Variants in CRACDL observed in about 807,000 individuals in gnomAD.
The protein encoded by CRACDL is CRACD like.
Under a neutral mutation model 70.6 loss-of-function variants are expected in CRACDL, and 26 were observed. That is an observed-to-expected ratio of 0.37 (90% CI 0.27 to 0.51). CRACDL has a LOEUF of 0.51. Ranked by LOEUF, CRACDL falls within the 20% of genes least tolerant of loss-of-function variation. The probability of loss-of-function intolerance (pLI) is 0.94; values close to 1 mark genes in which losing one functional copy is unlikely to be tolerated. For synonymous variants in CRACDL, 618 were observed against 615.2 expected (o/e 1.00, Z -0.07); for missense variants, 1,283 against 1,376.9 (o/e 0.93, Z 1.08).
At chr2:98,898,782 G>A (rs992078465) in intron 1 of CRACDL, among the ~76,000 whole-genome samples, 8 of 152,200 alleles carry the variant, frequency 5.3e-5, no homozygotes, top group African/African-American at 7.2e-5. Flanking sequence ...AGCCGCCGCC[G>A]CTGTGTTTAA....
intron 5 of CRACDL, 117 bp downstream of exon 5, chr2:98,832,231 T>C (rs776602277): frequency 1.2e-5 from 13 of 1,058,274 alleles, no homozygotes; most frequent in Admixed American, 1.2e-4. Context: ...AGTGACCCAG[T>C]TGGCCACACC....
rs1205747132 is a variant in CRACDL, at chr2:98,832,531, C to T, written c.376-19G>A. The T allele has an allele frequency of 1.3e-6, 2 of 1,553,430 alleles. No homozygotes were observed. The highest frequency in any genetic ancestry group is 2.7e-5 in the African/African-American group (2 of 72,776). ...TTTTTAACTAGATTGGAATAAAGAA[C>T]ATGTGCTCTTATTTTCATCAATGAT... is the stretch of plus-strand genomic sequence containing the variant. On this transcript the variant is annotated intron_variant, in intron 4 of 9. Transcript: ENST00000397899.
chr2:98,910,371 A>C (rs899525859), intron 1 of CRACDL, among the ~76,000 whole-genome samples: 3 of 151,950 alleles, frequency 2.0e-5, no homozygotes, highest in Non-Finnish European at 4.4e-5. Context: ...AATACAAAAA[A>C]TTAGCTGGGC....
chr2:98,901,999 C>T (rs924059583), intron 1 of CRACDL, among the ~76,000 whole-genome samples: 3 of 152,086 alleles, frequency 2.0e-5, no homozygotes, highest in Admixed American at 1.3e-4. Context: ...GAAAGCGGGA[C>T]GTCATAGATG....
chr2:98,851,004 T>C (rs996613814), intron 1 of CRACDL, among the ~76,000 whole-genome samples: 1 of 152,160 alleles, frequency 6.6e-6, no homozygotes, highest in Non-Finnish European at 1.5e-5. Flanking sequence ...CAAAGAAAAA[T>C]ATCTGTACCC....
At chr2:98,918,463 G>C (rs6741166) in intron 1 of CRACDL, among the ~76,000 whole-genome samples, 55,705 of 149,280 alleles carry the variant, frequency 0.37, 10,844 homozygotes, top group Admixed American at 0.5. Context: ...GTTTGAACCT[G>C]GGAGGTGGAT....
intron 3 of CRACDL, among the ~76,000 whole-genome samples, chr2:98,837,084 CAA>C (rs35180684): frequency 0.12 from 13,938 of 118,502 alleles, 747 homozygotes; most frequent in South Asian, 0.27. Flanking sequence ...GACTCCGTCT[CAA>C]AAAAAAAAAA....
At chr2:98,858,884 A>G (rs1220066261) in intron 1 of CRACDL, among the ~76,000 whole-genome samples, 2 of 152,200 alleles carry the variant, frequency 1.3e-5, no homozygotes, top group Non-Finnish European at 2.9e-5. Context: ...AAATTAGACA[A>G]CCTAGATGAA....
chr2:98,835,149 G>T (rs1053085722), intron 3 of CRACDL, among the ~76,000 whole-genome samples: 2 of 152,130 alleles, frequency 1.3e-5, no homozygotes, highest in Non-Finnish European at 2.9e-5. Context: ...AGAATACAAA[G>T]AATTAAAGAA....
At chr2:98,916,667 CT>C (rs1224141645) in intron 1 of CRACDL, among the ~76,000 whole-genome samples, 1 of 152,080 alleles carries the variant, frequency 6.6e-6, no homozygotes, top group Non-Finnish European at 1.5e-5. Context: ...TACAACCTCT[CT>C]TTTTAAAAAG....
chr2:98,840,667 G>GT (rs1448701702), intron 2 of CRACDL: 10 of 152,138 alleles, frequency 6.6e-5, no homozygotes, highest in Admixed American at 3.9e-4. Flanking sequence ...AACTTTATTT[G>GT]TTGGGGAGGT....
intron 1 of CRACDL, among the ~76,000 whole-genome samples, chr2:98,898,277 C>A (rs1392415907): frequency 6.6e-6 from 1 of 152,254 alleles, no homozygotes. Context: ...GAGCCATGGG[C>A]AAGCCAGCTT....
At chr2:98,907,340 C>T (rs1708440499) in intron 1 of CRACDL, among the ~76,000 whole-genome samples, 1 of 152,146 alleles carries the variant, frequency 6.6e-6, no homozygotes, top group Admixed American at 6.5e-5. Flanking sequence ...AGTCTCCCAG[C>T]ACAATGTGAC....
chr2:98,820,359 G>A (rs1168265500), intron 7 of CRACDL, among the ~76,000 whole-genome samples: 2 of 151,658 alleles, frequency 1.3e-5, no homozygotes, highest in African/African-American at 2.4e-5. Flanking sequence ...GTGAAACCTC[G>A]TCTCTACCAA....
At chr2:98,797,227 C>T in intron 8 of CRACDL, 123 bp downstream of exon 8, 1 of 883,150 alleles carries the variant, frequency 1.1e-6, no homozygotes, top group Non-Finnish European at 1.8e-6. Context: ...CATCCACAAC[C>T]ATCACAGGTG....
intron 1 of CRACDL, among the ~76,000 whole-genome samples, chr2:98,916,505 G>GTTT (rs35933151): frequency 1.5e-4 from 11 of 71,826 alleles, no homozygotes; most frequent in African/African-American, 4.8e-4. Flanking sequence ...CAATAAAGCT[G>GTTT]TTTTTTTTAA....
At chr2:98,795,077 A>ATATATATATTTTTTTTTTT in intron 9 of CRACDL, among the ~76,000 whole-genome samples, 39 of 58,424 alleles carry the variant, frequency 6.7e-4, no homozygotes, top group Non-Finnish European at 1.1e-3. Flanking sequence ...ATATATATAT[A>ATATATATATTTTTTTTTTT]TTTTTTTTTT....
At chr2:98,871,619 T>C (rs1707348899) in intron 1 of CRACDL, among the ~76,000 whole-genome samples, 1 of 152,232 alleles carries the variant, frequency 6.6e-6, no homozygotes, top group African/African-American at 2.4e-5. Flanking sequence ...TCTGGCAGCA[T>C]GTATCAAAAC....
chr2:98,909,457 A>G (rs1558635111), intron 1 of CRACDL, among the ~76,000 whole-genome samples: 1 of 152,178 alleles, frequency 6.6e-6, no homozygotes, highest in African/African-American at 2.4e-5. Flanking sequence ...TAAGGATGCA[A>G]TCCCAGGGGA....
Sources: allele counts gnomAD v4.1 joint callset (sites outside exome capture counted in the v4.1 genomes callset), GRCh38; gene constraint gnomAD v4.1.1; transcripts MANE v1.5; gene names NCBI Gene and HGNC (gene_info 2026-07-23, HGNC 2026-07-21).